The following SNX29 variants were observed in gnomAD, a reference collection of about 807,000 sequenced individuals.
SNX29 encodes the protein sorting nexin-29.
A neutral mutation model predicts 102.1 loss-of-function variants in SNX29; 78 were observed. The ratio of observed to expected loss-of-function variants is 0.76; its 90% CI spans 0.64 to 0.92. SNX29 has a LOEUF of 0.92. Ranked by LOEUF, SNX29 falls within the 40% of genes least tolerant of loss-of-function variation. The probability of loss-of-function intolerance (pLI) is 0.00; values close to 1 mark genes in which losing one functional copy is unlikely to be tolerated. For synonymous variants in SNX29, 580 were observed against 414.5 expected (o/e 1.40, Z -4.85); for missense variants, 1,280 against 1,061.7 (o/e 1.21, Z -2.86).
intron 16 of SNX29, among the ~76,000 whole-genome samples, chr16:12,360,680 G>A (rs1011938830): frequency 1.3e-5 from 2 of 150,316 alleles, no homozygotes; most frequent in African/African-American, 2.5e-5. Flanking sequence ...GCCTAATAGT[G>A]CAGTCCCTGA....
At chr16:12,218,837 C>G (rs554297816) in intron 14 of SNX29, among the ~76,000 whole-genome samples, 8 of 151,956 alleles carry the variant, frequency 5.3e-5, no homozygotes, top group African/African-American at 1.9e-4. Flanking sequence ...TGCAGTGGCG[C>G]GACCTCGGCT....
intron 15 of SNX29, among the ~76,000 whole-genome samples, chr16:12,337,785 C>T (rs1567452995): frequency 6.6e-6 from 1 of 152,142 alleles, no homozygotes; most frequent in Non-Finnish European, 1.5e-5. Context: ...CATGGAGAAA[C>T]CCTGAGATTT....
At chr16:11,997,118 A>G (rs1423052534) in intron 1 of SNX29, among the ~76,000 whole-genome samples, 1 of 152,162 alleles carries the variant, frequency 6.6e-6, no homozygotes, top group Non-Finnish European at 1.5e-5. Flanking sequence ...ATCATGGCCC[A>G]CACGATCCTA....
chr16:12,141,062 C>G (rs1475997651), intron 13 of SNX29, among the ~76,000 whole-genome samples: 2 of 152,174 alleles, frequency 1.3e-5, no homozygotes, highest in Non-Finnish European at 2.9e-5. Flanking sequence ...GTGCTTGCAC[C>G]TCCTTCTCAT....
intron 20 of SNX29, among the ~76,000 whole-genome samples, chr16:12,558,299 G>A (rs1469317224): frequency 6.6e-6 from 1 of 152,110 alleles, no homozygotes; most frequent in Non-Finnish European, 1.5e-5. Flanking sequence ...AACGCGAGAT[G>A]GCCCCTGGTC....
chr16:12,050,260 A>G (rs1650430622), intron 7 of SNX29, among the ~76,000 whole-genome samples: 1 of 152,172 alleles, frequency 6.6e-6, no homozygotes, highest in African/African-American at 2.4e-5. Context: ...GTTTAGACAG[A>G]TTGGATTTTT....
intron 14 of SNX29, among the ~76,000 whole-genome samples, chr16:12,241,628 A>G (rs1409881765): frequency 6.6e-6 from 1 of 151,984 alleles, no homozygotes; most frequent in Non-Finnish European, 1.5e-5. Context: ...CACCTGGCTA[A>G]TTTTTGTATT....
At chr16:12,174,770 T>A (rs1356753654) in intron 13 of SNX29, among the ~76,000 whole-genome samples, 1 of 152,210 alleles carries the variant, frequency 6.6e-6, no homozygotes, top group African/African-American at 2.4e-5. Flanking sequence ...ATGACATGGA[T>A]GTGGGATCTG....
At chr16:12,049,174 T>A (rs1047425959) in intron 7 of SNX29, among the ~76,000 whole-genome samples, 3 of 152,162 alleles carry the variant, frequency 2.0e-5, no homozygotes, top group African/African-American at 7.2e-5. Context: ...CAGGTTTGAC[T>A]CTAGGCTCTG....
At chr16:12,308,909 A>G (rs1324253221) in intron 15 of SNX29, among the ~76,000 whole-genome samples, 2 of 152,204 alleles carry the variant, frequency 1.3e-5, no homozygotes, top group Admixed American at 6.5e-5. Flanking sequence ...AGCCTGTTGC[A>G]TGTAGGAAGG....
chr16:12,046,472 C>T lies in SNX29; in HGVS notation c.499+18C>T, dbSNP rs770560987. On this transcript the variant is annotated intron_variant, in intron 6 of 20. Coordinates refer to ENST00000566228, the MANE Select transcript of SNX29 (RefSeq NM_032167.5). ...GGCAGCAGGTAAGCCTGGCCCAGACCAGGGTGCAGGGCCTTGTGACACTTG... is the reference window on the plus strand; with the variant it reads ...GGCAGCAGGTAAGCCTGGCCCAGACTAGGGTGCAGGGCCTTGTGACACTTG... The T allele has an allele frequency of 1.2e-6, 2 of 1,613,370 alleles. No individual in the cohort carries two copies. Among genetic ancestry groups the T allele is most frequent in the South Asian group, 2.2e-5 (2 of 91,056 alleles).
At chr16:12,438,286 C>T (rs1259056275) in intron 18 of SNX29, among the ~76,000 whole-genome samples, 2 of 152,192 alleles carry the variant, frequency 1.3e-5, no homozygotes, top group African/African-American at 4.8e-5. Context: ...CTAGCCAAGG[C>T]ATCAGCCCTC....
intron 20 of SNX29, among the ~76,000 whole-genome samples, chr16:12,562,034 A>T (rs5018325): frequency 1.3e-5 from 2 of 152,060 alleles, no homozygotes; most frequent in Non-Finnish European, 2.9e-5. Context: ...TCATGGATTT[A>T]GGGATGGAAT....
intron 9 of SNX29, 107 bp downstream of exon 9, chr16:12,061,753 C>T (rs984785329): frequency 3.3e-5 from 31 of 947,612 alleles, no homozygotes; most frequent in Admixed American, 1.8e-4. Context: ...CCGGGAGGCA[C>T]GGGAGTCGGG....
chr16:12,361,241 C>T (rs555404572), intron 16 of SNX29, among the ~76,000 whole-genome samples: 11 of 152,304 alleles, frequency 7.2e-5, no homozygotes, highest in African/African-American at 2.6e-4. Context: ...GGGGTCCCAG[C>T]CTACTCCAAG....
At chr16:12,052,594 C>G (rs183374021) in intron 8 of SNX29, 2 of 241,740 alleles carry the variant, frequency 8.3e-6, no homozygotes, top group East Asian at 2.1e-4. Context: ...GGTCTGCAAG[C>G]TTTATATTTG....
At chr16:12,400,481 T>A (rs1318059641) in intron 17 of SNX29, among the ~76,000 whole-genome samples, 1 of 152,206 alleles carries the variant, frequency 6.6e-6, no homozygotes, top group Non-Finnish European at 1.5e-5. Context: ...TGGTCTAGAC[T>A]CAGTGCTCTC....
At chr16:12,285,842 T>C (rs900186505) in intron 15 of SNX29, among the ~76,000 whole-genome samples, 1 of 152,212 alleles carries the variant, frequency 6.6e-6, no homozygotes, top group African/African-American at 2.4e-5. Flanking sequence ...GGTATGATGT[T>C]AGGTTTATTT....
intron 20 of SNX29, among the ~76,000 whole-genome samples, chr16:12,536,482 G>C (rs925558803): frequency 6.6e-6 from 1 of 152,134 alleles, no homozygotes; most frequent in Non-Finnish European, 1.5e-5. Context: ...CTTTATCAGT[G>C]ATCCTGGATT....
Sources: gnomAD v4.1 joint callset for allele counts (sites outside exome capture counted in the v4.1 genomes callset) on GRCh38, gnomAD v4.1.1 for gene constraint, MANE v1.5 for transcripts, NCBI Gene and HGNC (gene_info 2026-07-23, HGNC 2026-07-21) for gene names.